The following PTPRK variants were observed in gnomAD, a reference collection of about 807,000 sequenced individuals.
PTPRK encodes the protein protein tyrosine phosphatase receptor type K.
A neutral mutation model predicts 178.0 loss-of-function variants in PTPRK; 75 were observed. That is an observed-to-expected ratio of 0.42 (90% CI 0.35 to 0.51). The LOEUF (loss-of-function observed/expected upper bound fraction) is 0.51, where lower values mean the gene tolerates loss of function less well. Among genes scored for constraint, PTPRK ranks in the 20% least tolerant of loss-of-function variants. The probability of loss-of-function intolerance (pLI) is 0.02; values close to 1 mark genes in which losing one functional copy is unlikely to be tolerated. For missense variants in PTPRK, 1,441 were observed against 1,797.8 expected (o/e 0.80, Z 3.59); for synonymous variants, 637 against 620.6 (o/e 1.03, Z -0.39).
At chr6:128,125,417 CT>C in intron 7 of PTPRK, among the ~76,000 whole-genome samples, 1 of 152,046 alleles carries the variant, frequency 6.6e-6, no homozygotes, top group South Asian at 2.1e-4. Flanking sequence ...ACCTGCCTCC[CT>C]TTTGCCTTCT....
chr6:128,305,395 G>A (rs1826227027), intron 3 of PTPRK, among the ~76,000 whole-genome samples: 1 of 152,096 alleles, frequency 6.6e-6, no homozygotes, highest in Non-Finnish European at 1.5e-5. Context: ...GGCTTGAATA[G>A]TTAGTCTAGG....
chr6:128,456,340 C>A (rs556228393), intron 1 of PTPRK, among the ~76,000 whole-genome samples: 4 of 151,882 alleles, frequency 2.6e-5, no homozygotes, highest in African/African-American at 9.7e-5. Flanking sequence ...AGCCTTATGA[C>A]AAGTTACAAA....
At chr6:128,400,302 T>C (rs554789125) in intron 1 of PTPRK, among the ~76,000 whole-genome samples, 1 of 152,064 alleles carries the variant, frequency 6.6e-6, no homozygotes, top group South Asian at 2.1e-4. Context: ...AAAGCCAGAA[T>C]GGAAATGGGA....
intron 7 of PTPRK, among the ~76,000 whole-genome samples, chr6:128,154,877 A>C (rs2114577849): frequency 6.6e-6 from 1 of 151,842 alleles, no homozygotes; most frequent in Admixed American, 6.6e-5. Context: ...AATGTAACAA[A>C]CCCACATGTA....
At chr6:128,101,515 A>C (rs1788776708) in intron 7 of PTPRK, among the ~76,000 whole-genome samples, 2 of 152,106 alleles carry the variant, frequency 1.3e-5, no homozygotes, top group South Asian at 4.1e-4. Context: ...TTTTTCTTTC[A>C]TTCAGGTCCT....
chr6:128,432,745 A>C (rs943399333), intron 1 of PTPRK, among the ~76,000 whole-genome samples: 1 of 146,354 alleles, frequency 6.8e-6, no homozygotes, highest in African/African-American at 2.5e-5. Context: ...TGTGTTCACA[A>C]ACACACACAC....
At chr6:128,139,946 A>G (rs1458032643) in intron 7 of PTPRK, among the ~76,000 whole-genome samples, 1 of 152,018 alleles carries the variant, frequency 6.6e-6, no homozygotes, top group Non-Finnish European at 1.5e-5. Context: ...GAGACACCAG[A>G]AAGCAGGGTG....
chr6:128,475,256 A>ATATATATATCCAATATATATATATATATC (rs1345895990), intron 1 of PTPRK, among the ~76,000 whole-genome samples: 3 of 152,084 alleles, frequency 2.0e-5, no homozygotes, highest in Non-Finnish European at 4.4e-5. Context: ...TTTGGATTAT[A>ATATATATATCCAATATATATATATATATC]CAATATAATA....
intron 25 of PTPRK, among the ~76,000 whole-genome samples, chr6:127,980,327 A>G (rs1011414017): frequency 6.6e-6 from 1 of 151,956 alleles, no homozygotes; most frequent in Admixed American, 6.6e-5. Flanking sequence ...AAAAACAACA[A>G]CAAACAAACA....
chr6:128,106,581 G>C (rs916484827), intron 7 of PTPRK, among the ~76,000 whole-genome samples: 3 of 150,518 alleles, frequency 2.0e-5, no homozygotes, highest in African/African-American at 7.3e-5. Context: ...CTACACAAAA[G>C]AATAGACAAT....
At chr6:128,480,062 A>C (rs1851865269) in intron 1 of PTPRK, among the ~76,000 whole-genome samples, 1 of 152,102 alleles carries the variant, frequency 6.6e-6, no homozygotes, top group Non-Finnish European at 1.5e-5. Flanking sequence ...GCTCTGAATT[A>C]CACGAAAGTG....
chr6:128,464,638 C>CATATATATATATATATGTATATAT (rs1849546243), intron 1 of PTPRK, among the ~76,000 whole-genome samples: 3 of 48,608 alleles, frequency 6.2e-5, no homozygotes, highest in South Asian at 9.3e-4. Flanking sequence ...TATATATACA[C>CATATATATATATATATGTATATAT]ATATATATAT....
intron 17 of PTPRK, 63 bp from the exon 18 acceptor site, chr6:127,995,601 T>C: frequency 2.0e-6 from 2 of 1,018,768 alleles, no homozygotes; most frequent in East Asian, 2.6e-5. Context: ...GACAATGTCA[T>C]TGGTAGAGAC....
At chr6:128,425,330 G>C (rs907518376) in intron 1 of PTPRK, among the ~76,000 whole-genome samples, 6 of 151,982 alleles carry the variant, frequency 3.9e-5, no homozygotes, top group African/African-American at 1.5e-4. Flanking sequence ...GCCTGCCTCA[G>C]CCTCCCAAAG....
At chr6:128,053,148 GAA>G (rs1491343024) in intron 13 of PTPRK, among the ~76,000 whole-genome samples, 1 of 41,274 alleles carries the variant, frequency 2.4e-5, no homozygotes, top group Non-Finnish European at 4.2e-5. Flanking sequence ...TATGTGTATG[GAA>G]CACACACACA....
intron 7 of PTPRK, among the ~76,000 whole-genome samples, chr6:128,120,159 C>T (rs564973923): frequency 2.4e-4 from 37 of 151,962 alleles, no homozygotes; most frequent in African/African-American, 7.7e-4. Flanking sequence ...CTTTCAAGCA[C>T]GACTAATATT....
At position 127,969,394 on chromosome 6, in the gene PTPRK, C is replaced by A. The variant is rs761035686; in HGVS notation, c.*833G>T. ...AGGGATTTTACACAAATTTAATTCA[C>A]AAGCATGTACACAAGAGAATCACTA... On this transcript the variant is annotated 3_prime_UTR_variant, in exon 30 of 30. Transcript: ENST00000368226. The A allele has an allele frequency of 2.6e-5, 4 of 152,158 alleles. No homozygotes were observed. The highest frequency in any genetic ancestry group is 5.9e-5 in the Non-Finnish European group (4 of 68,026). 9.4% of individuals were successfully genotyped at this position (152,158 alleles called of 1,614,324 possible). A position where few individuals can be genotyped will look rare whatever the true frequency, so the allele number is the denominator to read the frequency against.
chr6:128,270,596 T>C (rs1819650410), intron 3 of PTPRK, among the ~76,000 whole-genome samples: 1 of 152,156 alleles, frequency 6.6e-6, no homozygotes, highest in African/African-American at 2.4e-5. Flanking sequence ...TTCCACCATA[T>C]TCAATTCCAA....
At position 128,356,335 on chromosome 6, in the gene PTPRK, G is replaced by A. The variant is rs72974014; in HGVS notation, c.224-34025C>T. Among the ~76,000 whole-genome samples the A allele has an allele frequency of 4.3e-3, 655 of 152,132 alleles. 4 individuals carry two copies. The highest frequency in any genetic ancestry group is 6.7e-3 in the Non-Finnish European group (458 of 67,996). On this transcript the variant is annotated intron_variant, in intron 2 of 29. Transcript: ENST00000368226. ...CGAGCTTATTGAAGGTATAATCAAC[G>A]GACTTCCTCATTTGCATGGCGAGCT...
Sources: allele counts gnomAD v4.1 joint callset (sites outside exome capture counted in the v4.1 genomes callset), GRCh38; gene constraint gnomAD v4.1.1; transcripts MANE v1.5; gene names NCBI Gene and HGNC (gene_info 2026-07-23, HGNC 2026-07-21).